Variants in ATAD2 observed in about 807,000 individuals in gnomAD.
ATAD2 encodes ATPase family AAA domain containing 2.
In ATAD2, 62 loss-of-function variants were observed where a neutral mutation model predicts 168.9. The ratio of observed to expected loss-of-function variants is 0.37; its 90% confidence interval spans 0.30 to 0.45. ATAD2 has a LOEUF of 0.45. Ranked by LOEUF, ATAD2 falls within the 20% of genes least tolerant of loss-of-function variation. The probability of loss-of-function intolerance (pLI) is 1.00; values close to 1 mark genes in which losing one functional copy is unlikely to be tolerated. For synonymous variants in ATAD2, 613 were observed against 571.6 expected (o/e 1.07, Z -1.03); for missense variants, 1,419 against 1,667.8 (o/e 0.85, Z 2.60).
rs774017028 is a variant in ATAD2, at chr8:123,349,333, C to T, written c.1758G>A (p.Arg586=). The change falls in exon 14 of 28, where the codon AGG becomes AGA. Residue 586 remains arginine, a synonymous_variant. Transcript: ENST00000287394. ...GGAATTCTCTATCAAAGCGACCAGG[C>T]CTTCGTAAAGCAGGATCTATAGAAT... ...RLDSIDPALR[R]PGRFDREFLF... The T allele has an allele frequency of 3.7e-6, 6 of 1,613,896 alleles. No homozygotes were observed. Among genetic ancestry groups the T allele is most frequent in the Admixed American group, 3.3e-5 (2 of 59,980 alleles).
chr8:123,400,353 A>T (rs1342961101), upstream of ATAD2, among the ~76,000 whole-genome samples: 1 of 151,988 alleles, frequency 6.6e-6, no homozygotes, highest in African/African-American at 2.4e-5. The surrounding 1 kb of genome is among the most constrained non-coding windows in gnomAD (Gnocchi z 4.5). Flanking sequence ...TCAAAGATAG[A>T]ATTCCCCAGG....
upstream of ATAD2, chr8:123,400,617 C>A: frequency 1.6e-6 from 1 of 620,368 alleles, no homozygotes; most frequent in East Asian, 3.3e-5. This position sits in a 1 kb window ranked among gnomAD's most constrained non-coding sequence, Gnocchi z 4.5. Flanking sequence ...GCTGCGTGCC[C>A]GAGGACGGGC....
At chr8:123,393,893 G>C (rs1359371499) in intron 1 of ATAD2, among the ~76,000 whole-genome samples, 1 of 152,030 alleles carries the variant, frequency 6.6e-6, no homozygotes, top group Non-Finnish European at 1.5e-5. Flanking sequence ...CTCCAGCCTG[G>C]GTGACAGAGC....
chr8:123,401,821 C>T (rs1186190919), intron 1 of ATAD2: 14 of 757,876 alleles, frequency 1.8e-5, no homozygotes, highest in Non-Finnish European at 3.1e-5. Context: ...TGCTGGATGC[C>T]ATGGAGAAGA....
Position 123,349,442 on chromosome 8 carries a change from G to T in ATAD2, c.1649C>A (p.Ser550Tyr), listed in dbSNP as rs1375014962. The T allele has an allele frequency of 1.2e-6, 2 of 1,612,822 alleles. No individual in the cohort carries two copies. The highest frequency in any genetic ancestry group is 4.5e-5 in the East Asian group (2 of 44,838). The change falls in exon 14 of 28, where the codon TCT becomes TAT. Residue 550 changes from serine to tyrosine, a missense_variant and splice_region_variant. By Grantham distance (144) the Ser-to-Tyr change is moderately radical. Around this residue, in one of 5 missense-constraint regions of ATAD2, gnomAD observed 545 missense variants for 724.9 expected, o/e 0.75. Coordinates refer to ENST00000287394, the MANE Select transcript of ATAD2 (RefSeq NM_014109.4). Reference sequence around the variant, plus strand: ...AAGAGCTAGCAGGGTGGAAACAATAGAACTAAATTTTAAAAATAAGAGAGA... The same window carrying T: ...AAGAGCTAGCAGGGTGGAAACAATATAACTAAATTTTAAAAATAAGAGAGA... ...RSSRQDQIHS[S>Y]IVSTLLALMD...
chr8:123,378,727 C>CAAAAAAAAAAAAAAAAAAAAAAAAAAAA (rs1554646643), intron 2 of ATAD2, among the ~76,000 whole-genome samples: 14 of 91,050 alleles, frequency 1.5e-4, no homozygotes, highest in African/African-American at 4.8e-4. Flanking sequence ...AAAAAAAAAT[C>CAAAAAAAAAAAAAAAAAAAAAAAAAAAA]AAAATTCCAT....
intron 22 of ATAD2, among the ~76,000 whole-genome samples, chr8:123,334,644 A>G (rs2125590): frequency 2.4e-4 from 36 of 152,264 alleles, no homozygotes; most frequent in Admixed American, 1.4e-3. Flanking sequence ...AGAGAAGGCT[A>G]TCAGTGTCAT....
intron 1 of ATAD2, among the ~76,000 whole-genome samples, chr8:123,388,138 T>C (rs1351109181): frequency 1.3e-5 from 2 of 152,318 alleles, no homozygotes; most frequent in South Asian, 4.1e-4. Flanking sequence ...TGTCTCCCAA[T>C]AGCTACATCC....
At position 123,325,965 on chromosome 8, in the gene ATAD2, G is replaced by A; in HGVS notation, c.3930C>T (p.Ile1310=). Residue 1310 remains isoleucine, a synonymous_variant, in exon 26 of 28, where the codon ATC becomes ATT. Transcript: ENST00000287394. ...GAATTGCCAAAGCCTTTTCAACAGT[G>A]ATGAGCTGCTGCTGTTCTACCTGGG... ...RRSQVEQQQL[I]TVEKALAILS... is the part of the protein sequence containing the mutation. 6.2e-7 allele frequency: 1 copy of A among 1,614,072 alleles called. No homozygotes were observed. Among genetic ancestry groups the A allele is most frequent in the African/African-American group, 1.3e-5 (1 of 75,036 alleles).
chr8:123,348,333 A>G, intron 14 of ATAD2, 60 bp from the exon 15 acceptor site: 1 of 1,195,678 alleles, frequency 8.4e-7, no homozygotes, highest in Non-Finnish European at 1.2e-6. Context: ...TTCAGATTAC[A>G]TTAATTTTGA....
rs58655606 is a variant in ATAD2, at chr8:123,377,091, CAAAA to C, written c.320+3434_320+3437del. Among the ~76,000 whole-genome samples the C allele has an allele frequency of 6.2e-4, 17 of 27,256 alleles. 1 individual carries two copies. In the South Asian group the frequency reaches 0.01, roughly 16 times the overall value. 17.9% of individuals were successfully genotyped at this position (27,256 alleles called of 152,430 possible). ...GGGCAAAAAGAGTGAGACTCCGTCT[CAAAA>C]AAAAAAAAAAAAAAAAAGAGCCAGG... On this transcript the variant is annotated intron_variant, in intron 2 of 27. Coordinates refer to ENST00000287394, the MANE Select transcript of ATAD2 (RefSeq NM_014109.4).
Position 123,328,477 on chromosome 8 carries a change from A to G in ATAD2, c.3581T>C (p.Ile1194Thr), listed in dbSNP as rs750977179. 7.2e-5 allele frequency: 115 copies of G among 1,608,244 alleles called. No individual in the cohort carries two copies. The highest frequency in any genetic ancestry group is 9.2e-5 in the Non-Finnish European group (108 of 1,177,720). ...SQAKDDSQNA[I>T]DHKIESDTEE... is the part of the protein sequence containing the mutation. ...TGTATCACTCTCAATTTTGTGATCT[A>G]TGGCATTCTGGCTATCATCCTTTGC... The change falls in exon 25 of 28, where the codon ATA (isoleucine) becomes ACA (threonine). Residue 1194 changes from isoleucine (I) to threonine (T), a missense_variant. Coordinates refer to ENST00000287394, the MANE Select transcript of ATAD2 (RefSeq NM_014109.4).
At chr8:123,375,128 T>C (rs949997579) in intron 2 of ATAD2, among the ~76,000 whole-genome samples, 6 of 152,182 alleles carry the variant, frequency 3.9e-5, no homozygotes, top group African/African-American at 1.4e-4. Flanking sequence ...GTAGGCTCTT[T>C]TATATAAGCC....
At chr8:123,331,278 T>C (rs563171838) in intron 24 of ATAD2, among the ~76,000 whole-genome samples, 27 of 152,196 alleles carry the variant, frequency 1.8e-4, no homozygotes, top group Non-Finnish European at 3.4e-4. Context: ...CTCACTTTGT[T>C]GGCCAGGCTG....
chr8:123,367,324 G>C (rs1270358015), intron 8 of ATAD2, among the ~76,000 whole-genome samples: 1 of 152,220 alleles, frequency 6.6e-6, no homozygotes, highest in Non-Finnish European at 1.5e-5. Flanking sequence ...GGCTGAGGCA[G>C]AAGAATCGCT....
intron 22 of ATAD2, 151 bp downstream of exon 22, chr8:123,336,222 A>C: frequency 1.5e-6 from 1 of 683,142 alleles, no homozygotes; most frequent in South Asian, 2.5e-5. Flanking sequence ...AACCTTTCTA[A>C]ACTTCATTTT....
chr8:123,368,936 C>G, intron 8 of ATAD2, 122 bp downstream of exon 8: 1 of 417,944 alleles, frequency 2.4e-6, no homozygotes, highest in Non-Finnish European at 4.0e-6. Flanking sequence ...AGAAACTAAG[C>G]TCTCCCAAAT....
At chr8:123,378,295 A>G (rs897172523) in intron 2 of ATAD2, among the ~76,000 whole-genome samples, 2 of 152,186 alleles carry the variant, frequency 1.3e-5, no homozygotes, top group African/African-American at 4.8e-5. Flanking sequence ...AATGGATAAG[A>G]CGCAAATTAA....
At chr8:123,346,395 A>G in intron 17 of ATAD2, 123 bp from the exon 18 acceptor site, 1 of 1,034,118 alleles carries the variant, frequency 9.7e-7, no homozygotes, top group South Asian at 1.9e-5. Flanking sequence ...CAATCATAAC[A>G]TGGTTCACAT....
Sources: gnomAD v4.1 joint callset for allele counts (sites outside exome capture counted in the v4.1 genomes callset) on GRCh38, gnomAD v4.1.1 for gene constraint, gnomAD v4.1.1 regional missense constraint, Gnocchi (gnomAD v3.1) non-coding constraint, MANE v1.5 for transcripts, NCBI Gene and HGNC (gene_info 2026-07-23, HGNC 2026-07-21) for gene names.